PCM1: variants seen among roughly 807,000 people sequenced by gnomAD.
PCM1 encodes pericentriolar material 1, also known as pericentriolar material 1 protein.
PCM1 carries 157 observed loss-of-function variants against 241.9 expected under a neutral mutation model. The ratio of observed to expected loss-of-function variants is 0.65; its 90% confidence interval spans 0.57 to 0.74. The LOEUF (loss-of-function observed/expected upper bound fraction) is 0.74. Among genes scored for constraint, PCM1 ranks in the 30% least tolerant of loss-of-function variants. The probability of loss-of-function intolerance (pLI) is 0.00; values close to 1 mark genes in which losing one functional copy is unlikely to be tolerated. For missense variants in PCM1, 3,478 were observed against 2,360.1 expected, an observed-to-expected ratio of 1.47 and a Z score of -9.81; for synonymous variants, 1,085 against 784.9, an observed-to-expected ratio of 1.38 and a Z score of -6.39.
At chr8:17,925,828 C>T (rs1196814690) in intron 2 of PCM1, 1 of 152,000 alleles carries the variant, frequency 6.6e-6, no homozygotes, top group Non-Finnish European at 1.5e-5. Context: ...CAGAGTGTGA[C>T]TCCGTCTCAA....
rs192249507 is a variant in PCM1, at chr8:17,965,661, A to G, written c.2856-338A>G. Among the ~76,000 whole-genome samples, 10 of 152,366 alleles carry G rather than the reference A, an allele frequency of 6.6e-5. No individual in the cohort carries two copies. The East Asian group carries it at 1.7e-3, about 26-fold the overall frequency. Reference sequence around the variant, plus strand: ...TAACAGATGGTGAAGTAGATACAGTAGCTCCACTTGATGAAATACTATGTG... The same window carrying G: ...TAACAGATGGTGAAGTAGATACAGTGGCTCCACTTGATGAAATACTATGTG... On this transcript the variant is annotated intron_variant, in intron 18 of 38. Coordinates refer to ENST00000325083, the MANE Select transcript of PCM1 (RefSeq NM_006197.4).
chr8:17,946,832 AGTGTGTGTGTGTGTGTGTGTGTGT>A (rs368892136), intron 6 of PCM1, among the ~76,000 whole-genome samples: 48 of 138,382 alleles, frequency 3.5e-4, no homozygotes, highest in East Asian at 2.8e-3. Context: ...TAGATTCTTC[AGTGTGTGTGTGTGTGTGTGTGTGT>A]GTGTGTGTGT....
intron 15 of PCM1, 70 bp downstream of exon 15, chr8:17,960,514 C>CTTTTTT: frequency 6.7e-6 from 5 of 747,874 alleles, no homozygotes; most frequent in East Asian, 6.6e-5. Context: ...TGAAAGTACT[C>CTTTTTT]TTTTTTGTTT....
intron 29 of PCM1, among the ~76,000 whole-genome samples, chr8:17,997,378 G>T (rs2087260086): frequency 6.6e-6 from 1 of 152,054 alleles, no homozygotes; most frequent in African/African-American, 2.4e-5. Flanking sequence ...GTCTTATTTG[G>T]ATTAAACTAT....
At chr8:17,960,234 G>GCT in intron 14 of PCM1, 69 bp downstream of exon 14, 1 of 1,555,174 alleles carries the variant, frequency 6.4e-7, no homozygotes, top group East Asian at 2.2e-5. Flanking sequence ...AAGGTGCTCA[G>GCT]CTAGGTACTG....
rs1324517510 is a variant in PCM1, at chr8:17,972,645, A to G, written c.3901A>G (p.Lys1301Glu). The change falls in exon 23 of 39, where the codon AAG becomes GAG. Residue 1301 changes from lysine (K) to glutamate (E), a missense_variant. Coordinates refer to ENST00000325083, the MANE Select transcript of PCM1 (RefSeq NM_006197.4). ...KDKTPKSKSK[K>E]RNSTQLKSRV... ...TAAAACTCCCAAGTCAAAAAGTAAGAAGAGGAATTCTACTCAGCTGAAAAG... is the reference window on the plus strand; with the variant it reads ...TAAAACTCCCAAGTCAAAAAGTAAGGAGAGGAATTCTACTCAGCTGAAAAG... 1.9e-6 allele frequency: 3 copies of G among 1,581,652 alleles called. No homozygotes were observed. The East Asian group carries it at 6.7e-5, about 35-fold the overall frequency.
At chr8:17,939,576 C>T in intron 5 of PCM1, 115 bp from the exon 6 acceptor site, 1 of 516,566 alleles carries the variant, frequency 1.9e-6, no homozygotes, top group South Asian at 4.7e-5. Flanking sequence ...ATCCAAGTGT[C>T]TTTGGTTATC....
At chr8:17,966,907 T>C in intron 20 of PCM1, 73 bp from the exon 21 acceptor site, 6 of 1,337,678 alleles carry the variant, frequency 4.5e-6, no homozygotes, top group East Asian at 2.5e-5. Context: ...TTTTTACATG[T>C]ATTCTTCCTG....
chr8:17,966,877 C>T (rs1290957964), intron 20 of PCM1, 103 bp from the exon 21 acceptor site: 3 of 1,051,772 alleles, frequency 2.9e-6, no homozygotes, highest in Non-Finnish European at 4.1e-6. Context: ...AGCAGTTTGT[C>T]TGCATGCTTT....
intron 9 of PCM1, among the ~76,000 whole-genome samples, chr8:17,954,441 A>G (rs1199683991): frequency 2.0e-5 from 3 of 151,682 alleles, no homozygotes; most frequent in Non-Finnish European, 4.4e-5. Flanking sequence ...AAAAAAAAAA[A>G]AGAAAAGAAA....
chr8:17,949,760 G>A (rs2065297487), intron 7 of PCM1, among the ~76,000 whole-genome samples: 1 of 152,296 alleles, frequency 6.6e-6, no homozygotes, highest in East Asian at 1.9e-4. Flanking sequence ...GCCTTCCAAA[G>A]TGTTGGAATT....
At position 17,985,981 on chromosome 8, in the gene PCM1, C is replaced by G; in HGVS notation, c.4304C>G (p.Ser1435Cys). ...TAGGACATAGTATCCAGACATATTT[C>G]TGAGAGCCATGAAAAAGGAGAAAAT... Reference protein sequence around the residue: ...ALQDIVSRHISESHEKGENVK... With the variant: ...ALQDIVSRHICESHEKGENVK... The change falls in exon 26 of 39, where the codon TCT (serine) becomes TGT (cysteine). Residue 1435 changes from serine (S) to cysteine (C), a missense_variant. Transcript: ENST00000325083. 1.3e-6 allele frequency: 2 copies of G among 1,571,796 alleles called. No homozygotes were observed. Among genetic ancestry groups the G allele is most frequent in the Non-Finnish European group, 1.7e-6 (2 of 1,148,828 alleles).
rs773558418 is a variant in PCM1 at position 17,991,597 on chromosome 8, T to C, written c.4587T>C (p.Arg1529=). ...QALARMREYE[R]MKTEAESNSN... ...TAGCCAGAATGAGAGAATATGAGCGTATGAAGACTGAGGCTGAAAGTAACT... is the reference window on the plus strand; with the variant it reads ...TAGCCAGAATGAGAGAATATGAGCGCATGAAGACTGAGGCTGAAAGTAACT... The change falls in exon 28 of 39, where the codon CGT becomes CGC. Residue 1529 remains arginine (R), a synonymous_variant. Coordinates refer to ENST00000325083, the MANE Select transcript of PCM1 (RefSeq NM_006197.4). 1.9e-6 allele frequency: 3 copies of C among 1,597,300 alleles called. No homozygotes were observed. The highest frequency in any genetic ancestry group is 1.7e-4 in the Middle Eastern group (1 of 6,036).
chr8:18,007,473 G>A lies in PCM1; in HGVS notation c.4962+1076G>A, dbSNP rs551093627. 1.1e-4 allele frequency among the ~76,000 whole-genome samples: 17 copies of A among 152,246 alleles called. No homozygotes were observed. In the East Asian group the frequency reaches 3.3e-3, roughly 29 times the overall value. On this transcript the variant is annotated intron_variant, in intron 30 of 38. Transcript: ENST00000325083. Reference sequence around the variant, plus strand: ...GTAGGAAACTCCATTTTAGAATAAGGCTGAAAGAGAAATTATAATTTAAAT... The same window carrying A: ...GTAGGAAACTCCATTTTAGAATAAGACTGAAAGAGAAATTATAATTTAAAT...
rs1185053692 is a variant in PCM1 at position 17,967,345 on chromosome 8, C to T, written c.3412+175C>T. Reference sequence around the variant, plus strand: ...CTTTTTGAGGCGGAGTTTTACTCTTCTTGTCCAGGCTGGAATGCAGTGACA... The same window carrying T: ...CTTTTTGAGGCGGAGTTTTACTCTTTTTGTCCAGGCTGGAATGCAGTGACA... On this transcript the variant is annotated intron_variant, in intron 21 of 38. Coordinates refer to ENST00000325083, the MANE Select transcript of PCM1 (RefSeq NM_006197.4). Among the ~76,000 whole-genome samples the T allele has an allele frequency of 4.1e-5, 6 of 145,122 alleles. 1 individual carries two copies. In the South Asian group the frequency reaches 6.5e-4, roughly 16 times the overall value.
intron 11 of PCM1, 127 bp downstream of exon 11, chr8:17,956,904 G>C (rs534973916): frequency 1.3e-6 from 1 of 772,272 alleles, no homozygotes; most frequent in African/African-American, 1.7e-5. Context: ...TACTATTTTG[G>C]TCAGTGTAAT....
Position 17,955,601 on chromosome 8 carries a change from T to A in PCM1, c.1420T>A (p.Ser474Thr). ...SVPYPTASLVSQNESENEGHL... is the reference protein window; with the variant it reads ...SVPYPTASLVTQNESENEGHL... ...TCCTTATCCTACTGCTTCTCTAGTA[T>A]CTCAGAATGAGAGTGAAAACGAAGG... is the stretch of plus-strand genomic sequence containing the variant. Residue 474 changes from serine (S) to threonine (T), a missense_variant, in exon 10 of 39, where the codon TCT becomes ACT. Ser to Thr is a moderately conservative substitution (Grantham distance 58, BLOSUM62 1). Transcript: ENST00000325083. 1 of 1,613,772 alleles carries A rather than the reference T, an allele frequency of 6.2e-7. No homozygotes were observed. Among genetic ancestry groups the A allele is most frequent in the Non-Finnish European group, 8.5e-7 (1 of 1,179,726 alleles).
intron 36 of PCM1, among the ~76,000 whole-genome samples, chr8:18,019,524 C>T (rs1213042670): frequency 1.3e-5 from 2 of 152,170 alleles, no homozygotes; most frequent in Non-Finnish European, 2.9e-5. Context: ...CTGAGCTTGT[C>T]TTCCTGAAAC....
At chr8:17,950,039 G>C (rs73580091) in intron 7 of PCM1, among the ~76,000 whole-genome samples, 5,565 of 152,158 alleles carry the variant, frequency 0.037, 159 homozygotes, top group African/African-American at 0.072. Context: ...AGCTGAGTTT[G>C]GCTCATTGCC....
Sources: gnomAD v4.1 joint callset for allele counts (sites outside exome capture counted in the v4.1 genomes callset) on GRCh38, gnomAD v4.1.1 for gene constraint, MANE v1.5 for transcripts, NCBI Gene and HGNC (gene_info 2026-07-23, HGNC 2026-07-21) for gene names.